The following VPS53 variants were observed in gnomAD, a reference collection of about 807,000 sequenced individuals.
VPS53 encodes the protein vacuolar protein sorting-associated protein 53 homolog.
A neutral mutation model predicts 107.0 loss-of-function variants in VPS53; 70 were observed. That is an observed-to-expected ratio of 0.65 (90% CI 0.54 to 0.80). The LOEUF is 0.80. VPS53 is among the 30% of genes least tolerant of loss of function. The pLI, the probability that VPS53 is intolerant of heterozygous loss-of-function variation, is 0.00. For missense variants in VPS53, 917 were observed against 1,049.4 expected (o/e 0.87, Z 1.74); for synonymous variants, 409 against 393.3 (o/e 1.04, Z -0.47).
intron 14 of VPS53, among the ~76,000 whole-genome samples, chr17:561,015 C>A (rs1282687458): frequency 6.6e-6 from 1 of 151,386 alleles, no homozygotes; most frequent in African/African-American, 2.4e-5. Flanking sequence ...GAAGTCTGCA[C>A]TGGAACTCAT....
rs1204994257 is a variant in VPS53, at chr17:514,415, T to C, written c.*4713A>G. ...TGCTCTTCCTAGGTAAGGAATCCCA[T>C]TTCCAGCAGGTTATTCTGAGTGCTC... On this transcript the variant is annotated 3_prime_UTR_variant, in exon 22 of 22. Transcript: ENST00000437048. 8.3e-6 allele frequency: 1 copy of C among 120,592 alleles called. No homozygotes were observed. Among genetic ancestry groups the C allele is most frequent in the Non-Finnish European group, 1.7e-5 (1 of 59,980 alleles). The allele number at this position is 120,592 out of a possible 1,614,324, so 7.5% of individuals were successfully genotyped here.
In VPS53 at chr17:521,721, G is replaced by A; in HGVS notation, c.2103C>T (p.His701=). 1 of 1,546,546 alleles carries A rather than the reference G, an allele frequency of 6.5e-7. No homozygotes were observed. Among genetic ancestry groups the A allele is most frequent in the Non-Finnish European group, 8.7e-7 (1 of 1,143,312 alleles). Residue 701 remains histidine, a synonymous_variant, in exon 20 of 22, where the codon CAC becomes CAT. Transcript: ENST00000437048. ...VGAEQLLLDT[H]SLKMVLLDLP... is the part of the protein sequence containing the mutation. Reference sequence around the variant, plus strand: ...GATCGAGCAGGACCATCTTCAGCGAGTGGGTGTCCAGCAGCAGCTGTGGAG... The same window carrying A: ...GATCGAGCAGGACCATCTTCAGCGAATGGGTGTCCAGCAGCAGCTGTGGAG...
intron 3 of VPS53, 61 bp from the exon 4 acceptor site, chr17:697,545 GA>G (rs1418778343): frequency 5.0e-6 from 7 of 1,397,764 alleles, no homozygotes; most frequent in Non-Finnish European, 7.0e-6. Flanking sequence ...TTGACCAAAA[GA>G]AAAAAAGTAA....
intron 7 of VPS53, among the ~76,000 whole-genome samples, chr17:634,669 G>C (rs1481015841): frequency 6.6e-6 from 1 of 151,324 alleles, no homozygotes; most frequent in African/African-American, 2.4e-5. Flanking sequence ...CCTTGCAATA[G>C]TTTGCTGAGA....
chr17:670,034 C>T (rs1363862768), intron 4 of VPS53, among the ~76,000 whole-genome samples: 2 of 152,196 alleles, frequency 1.3e-5, no homozygotes, highest in East Asian at 1.9e-4. Flanking sequence ...AGTTTCTGAA[C>T]GGAGCACTGG....
intron 4 of VPS53, among the ~76,000 whole-genome samples, chr17:666,004 C>T (rs907895597): frequency 2.0e-5 from 3 of 151,318 alleles, no homozygotes; most frequent in Non-Finnish European, 2.9e-5. Context: ...AACTCTGTCC[C>T]GACCAAAAAA....
chr17:700,522 G>C (rs1973157814), intron 2 of VPS53, among the ~76,000 whole-genome samples: 1 of 152,166 alleles, frequency 6.6e-6, no homozygotes, highest in Non-Finnish European at 1.5e-5. Context: ...TTGCACTCCA[G>C]CCTGGGCAAC....
intron 5 of VPS53, chr17:657,101 A>G (rs1317632689): frequency 2.8e-6 from 3 of 1,089,090 alleles, no homozygotes; most frequent in Non-Finnish European, 4.3e-6. Flanking sequence ...CTCCAAATCA[A>G]TCTGAATGGT....
chr17:699,471 T>C (rs910101887), intron 2 of VPS53, 91 bp from the exon 3 acceptor site: 16 of 1,063,284 alleles, frequency 1.5e-5, no homozygotes, highest in African/African-American at 4.9e-5. Flanking sequence ...TAGCTACTTA[T>C]GAAATCTCAA....
At chr17:694,450 C>T (rs1972878092) in intron 4 of VPS53, among the ~76,000 whole-genome samples, 1 of 152,054 alleles carries the variant, frequency 6.6e-6, no homozygotes, top group South Asian at 2.1e-4. Context: ...ACAGCATGAC[C>T]CAACAAAAAA....
intron 13 of VPS53, among the ~76,000 whole-genome samples, chr17:568,926 A>T (rs1213788960): frequency 6.6e-6 from 1 of 152,220 alleles, no homozygotes; most frequent in Non-Finnish European, 1.5e-5. Context: ...CTATAGAGAC[A>T]TATACACGTA....
chr17:561,763 G>A (rs981941189), intron 14 of VPS53, among the ~76,000 whole-genome samples: 13 of 152,134 alleles, frequency 8.5e-5, no homozygotes, highest in South Asian at 2.1e-4. Context: ...CCGAGCAGCC[G>A]GGACTACAGG....
At chr17:611,540 G>C (rs189692093) in intron 11 of VPS53, among the ~76,000 whole-genome samples, 14 of 152,184 alleles carry the variant, frequency 9.2e-5, no homozygotes, top group African/African-American at 2.9e-4. Context: ...TCCTCAAAAA[G>C]TTAAGCCTAG....
At chr17:672,947 C>A (rs925183903) in intron 4 of VPS53, among the ~76,000 whole-genome samples, 2 of 151,992 alleles carry the variant, frequency 1.3e-5, no homozygotes, top group Non-Finnish European at 2.9e-5. Context: ...CCCGTCTCTA[C>A]TAAAAATACA....
At chr17:695,207 C>T (rs1972914455) in intron 4 of VPS53, among the ~76,000 whole-genome samples, 1 of 152,150 alleles carries the variant, frequency 6.6e-6, no homozygotes, top group Non-Finnish European at 1.5e-5. Context: ...TCGAGGGACA[C>T]TGGAATCCAT....
chr17:689,890 T>C (rs1428036339), intron 4 of VPS53, among the ~76,000 whole-genome samples: 1 of 152,198 alleles, frequency 6.6e-6, no homozygotes, highest in Admixed American at 6.5e-5. Flanking sequence ...ATCTTTATGA[T>C]ATCTCTATGT....
At chr17:659,175 T>G (rs945160295) in intron 5 of VPS53, among the ~76,000 whole-genome samples, 2 of 152,222 alleles carry the variant, frequency 1.3e-5, no homozygotes, top group Non-Finnish European at 2.9e-5. Flanking sequence ...TGTAACCTGA[T>G]CACCCACTTG....
intron 4 of VPS53, among the ~76,000 whole-genome samples, chr17:692,091 A>G (rs561187503): frequency 1.8e-4 from 27 of 152,200 alleles, no homozygotes; most frequent in African/African-American, 5.1e-4. Context: ...AGAGACAGAA[A>G]CTCGGTGGCT....
chr17:562,627 A>T lies in VPS53; in HGVS notation c.1432T>A (p.Tyr478Asn). The T allele has an allele frequency of 6.2e-7, 1 of 1,614,030 alleles. No homozygotes were observed. The highest frequency in any genetic ancestry group is 8.5e-7 in the Non-Finnish European group (1 of 1,180,014). The change falls in exon 14 of 22, where the codon TAC becomes AAC. Residue 478 changes from tyrosine (Y) to asparagine (N), a missense_variant. By Grantham distance (143) the Tyr-to-Asn change is moderately radical. Transcript: ENST00000437048. ...LPSCADLFVY[Y>N]KKCMVQCSQL... Reference sequence around the variant, plus strand: ...GAGCATTGCACCATGCACTTCTTGTAGTAGACAAAGAGGTCGGCGCAGCTG... The same window carrying T: ...GAGCATTGCACCATGCACTTCTTGTTGTAGACAAAGAGGTCGGCGCAGCTG...
Sources: allele counts gnomAD v4.1 joint callset (sites outside exome capture counted in the v4.1 genomes callset), GRCh38; gene constraint gnomAD v4.1.1; transcripts MANE v1.5; gene names NCBI Gene and HGNC (gene_info 2026-07-23, HGNC 2026-07-21).